TPCN2: variants seen among roughly 807,000 people sequenced by gnomAD.
The protein encoded by TPCN2 is two pore channel protein 2.
TPCN2 carries 92 observed loss-of-function variants against 111.4 expected under a neutral mutation model. The observed-to-expected ratio is 0.83, with a 90% CI of 0.70 to 0.98. TPCN2 has a LOEUF of 0.98. TPCN2 is among the 50% of genes least tolerant of loss of function. The pLI, the probability that TPCN2 is intolerant of heterozygous loss-of-function variation, is 0.00. For missense variants in TPCN2, 995 were observed against 980.1 expected (o/e 1.02, Z -0.20); for synonymous variants, 405 against 414.5 (o/e 0.98, Z 0.28).
At position 69,069,056 on chromosome 11, in the gene TPCN2, CTGT is replaced by C. The variant is rs1241924416; in HGVS notation, c.830-1373_830-1371del. Reference sequence around the variant, plus strand: ...GGAAGTGACCGCAGTGGGAGCAGGACTGTCTGAGTCCTAGGAAGTGACCACAGG... The same window carrying C: ...GGAAGTGACCGCAGTGGGAGCAGGACCTGAGTCCTAGGAAGTGACCACAGG... On this transcript the variant is annotated intron_variant, in intron 8 of 24. Transcript: ENST00000294309. Among the ~76,000 whole-genome samples the C allele has an allele frequency of 4.7e-5, 4 of 86,012 alleles. 1 individual carries two copies. Among genetic ancestry groups the C allele is most frequent in the Admixed American group, 1.0e-4 (1 of 9,950 alleles). 56.4% of individuals were successfully genotyped at this position (86,012 alleles called of 152,430 possible).
chr11:69,054,893 G>T, intron 3 of TPCN2, 96 bp downstream of exon 3: 2 of 1,293,608 alleles, frequency 1.5e-6, no homozygotes, highest in African/African-American at 1.5e-5. Flanking sequence ...TCAGGGTCCA[G>T]GCAGGCTCCC....
chr11:69,079,210 G>A (rs1855907704), intron 16 of TPCN2, 190 bp downstream of exon 16: 1 of 708,958 alleles, frequency 1.4e-6, no homozygotes, highest in African/African-American at 1.8e-5. Context: ...GAGGTCTTTA[G>A]GAGGCTGGGT....
intron 3 of TPCN2, 129 bp downstream of exon 3, chr11:69,054,926 C>A: frequency 1.0e-6 from 1 of 955,268 alleles, no homozygotes; most frequent in Non-Finnish European, 1.6e-6. Flanking sequence ...AGGGCGGTTA[C>A]CATCATCCTC....
Position 69,073,584 on chromosome 11 carries a change from G to A in TPCN2, c.1230+583G>A, listed in dbSNP as rs148938941. 6.6e-5 allele frequency among the ~76,000 whole-genome samples: 10 copies of A among 152,362 alleles called. No homozygotes were observed. In the South Asian group the frequency reaches 1.5e-3, roughly 22 times the overall value. ...CTGCCAGTTCTGTGTCACTTTTCTC[G>A]TTTGCTCAGGCTCCTGGGACGGCAC... On this transcript the variant is annotated intron_variant, in intron 13 of 24. Transcript: ENST00000294309.
chr11:69,085,295 G>A lies in TPCN2; in HGVS notation c.1838+9G>A. On this transcript the variant is annotated intron_variant, in intron 20 of 24. Coordinates refer to ENST00000294309, the MANE Select transcript of TPCN2 (RefSeq NM_139075.4). The stretch of plus-strand genomic sequence containing the variant: ...CTTCCTGGAAACAGCAGGTGAGGTG[G>A]GGTCCGAGGTGCCACAGGGAGTGTC... The A allele has an allele frequency of 6.2e-7, 1 of 1,613,822 alleles. No homozygotes were observed. Among genetic ancestry groups the A allele is most frequent in the Non-Finnish European group, 8.5e-7 (1 of 1,179,808 alleles).
intron 5 of TPCN2, among the ~76,000 whole-genome samples, chr11:69,059,075 G>A (rs896981): frequency 0.4 from 61,323 of 152,150 alleles, 12,837 homozygotes; most frequent in Non-Finnish European, 0.46. Context: ...CGCTCCCTTC[G>A]CCTCCGCCAG....
chr11:69,085,436 GACCCCCAATTTCC>G, intron 20 of TPCN2, 150 bp downstream of exon 20: 1 of 841,766 alleles, frequency 1.2e-6, no homozygotes, highest in Admixed American at 2.0e-5. Context: ...CCCTTTTCCC[GACCCCCAATTTCC>G]ACCTCCGCTC....
chr11:69,078,342 A>C, intron 13 of TPCN2, 140 bp from the exon 14 acceptor site: 1 of 1,095,302 alleles, frequency 9.1e-7, no homozygotes, highest in Non-Finnish European at 1.3e-6. Context: ...GTCTGGGATT[A>C]TTTCCTGTGG....
intron 16 of TPCN2, chr11:69,079,229 C>T: frequency 1.6e-6 from 1 of 620,934 alleles, no homozygotes; most frequent in East Asian, 2.9e-5. Context: ...GTTTCTACTG[C>T]ATCCGAGTGT....
intron 5 of TPCN2, among the ~76,000 whole-genome samples, chr11:69,061,152 G>A (rs991173381): frequency 2.0e-5 from 3 of 152,246 alleles, no homozygotes; most frequent in Non-Finnish European, 4.4e-5. Context: ...GCCAGACATA[G>A]AGTGTGATTC....
chr11:69,051,053 GTC>G (rs1247922002), intron 1 of TPCN2, among the ~76,000 whole-genome samples: 1 of 152,244 alleles, frequency 6.6e-6, no homozygotes, highest in Non-Finnish European at 1.5e-5. Context: ...GGCTCATTCA[GTC>G]TCTGTGCTGA....
Position 69,062,349 on chromosome 11 carries a change from G to A in TPCN2, c.547-535G>A, listed in dbSNP as rs72919430. Among the ~76,000 whole-genome samples the A allele has an allele frequency of 1.3e-3, 195 of 152,102 alleles. 1 individual carries two copies. Among genetic ancestry groups the A allele is most frequent in the Non-Finnish European group, 2.1e-3 (146 of 67,968 alleles). On this transcript the variant is annotated intron_variant, in intron 5 of 24. Coordinates refer to ENST00000294309, the MANE Select transcript of TPCN2 (RefSeq NM_139075.4). ...CATTCACACCGTGTGAGTGTTGAGC[G>A]TGGGAGCAGTGAGGCTGGAGGGCGC...
intron 8 of TPCN2, among the ~76,000 whole-genome samples, chr11:69,069,703 G>A (rs1393633844): frequency 1.1e-4 from 8 of 69,702 alleles, no homozygotes; most frequent in East Asian, 3.5e-4. Flanking sequence ...GGAAGTGACC[G>A]CACTGGGAGC....
intron 7 of TPCN2, among the ~76,000 whole-genome samples, chr11:69,065,771 G>C (rs1258357092): frequency 6.6e-6 from 1 of 152,198 alleles, no homozygotes; most frequent in African/African-American, 2.4e-5. Flanking sequence ...TTGGTGTTGG[G>C]GTGTGTGGTC....
chr11:69,084,775 G>A (rs949889036), intron 19 of TPCN2: 4 of 985,464 alleles, frequency 4.1e-6, no homozygotes, highest in Non-Finnish European at 4.8e-6. Context: ...ACGCTGGGAA[G>A]AGAATCTTGC....
intron 16 of TPCN2, 99 bp from the exon 17 acceptor site, chr11:69,079,735 G>T: frequency 8.7e-7 from 1 of 1,154,210 alleles, no homozygotes; most frequent in East Asian, 2.5e-5. Flanking sequence ...AGCCCCTTTT[G>T]GGGAGAATGT....
At chr11:69,082,393 A>G (rs1372094626) in intron 18 of TPCN2, among the ~76,000 whole-genome samples, 1 of 152,282 alleles carries the variant, frequency 6.6e-6, no homozygotes, top group Non-Finnish European at 1.5e-5. Flanking sequence ...TTTGGATACA[A>G]TACACATCAT....
intron 1 of TPCN2, among the ~76,000 whole-genome samples, chr11:69,050,928 T>C (rs1335340560): frequency 6.6e-6 from 1 of 152,240 alleles, no homozygotes; most frequent in South Asian, 2.1e-4. Context: ...GTCCCTATGC[T>C]GTGGCCTCAG....
intron 19 of TPCN2, among the ~76,000 whole-genome samples, chr11:69,084,443 CTCACAGCCACA>C (rs978870471): frequency 6.6e-6 from 1 of 152,222 alleles, no homozygotes; most frequent in African/African-American, 2.4e-5. Context: ...ATTTCAGGGA[CTCACAGCCACA>C]TTTGCTGAGC....
Sources: allele counts gnomAD v4.1 joint callset (sites outside exome capture counted in the v4.1 genomes callset), GRCh38; gene constraint gnomAD v4.1.1; transcripts MANE v1.5; gene names NCBI Gene and HGNC (gene_info 2026-07-23, HGNC 2026-07-21).